The following PCSK2 variants were observed in gnomAD, a reference collection of about 807,000 sequenced individuals.
PCSK2 encodes the protein proprotein convertase subtilisin/kexin type 2.
Under a neutral mutation model 69.7 loss-of-function variants are expected in PCSK2, and 14 were observed. The ratio of observed to expected loss-of-function variants is 0.20; its 90% CI spans 0.13 to 0.31. The LOEUF (loss-of-function observed/expected upper bound fraction) is 0.31. PCSK2 is among the 10% of genes least tolerant of loss of function. The pLI, the probability that PCSK2 is intolerant of heterozygous loss-of-function variation, is 1.00. For missense variants in PCSK2, 544 were observed against 842.5 expected, an observed-to-expected ratio of 0.65 and a Z score of 4.39; for synonymous variants, 307 against 320.7, an observed-to-expected ratio of 0.96 and a Z score of 0.46.
intron 2 of PCSK2, among the ~76,000 whole-genome samples, chr20:17,313,494 G>A (rs894980742): frequency 2.0e-5 from 3 of 152,132 alleles, no homozygotes; most frequent in Non-Finnish European, 4.4e-5. Context: ...GGAGGAAGCA[G>A]TTGACTTAAG....
chr20:17,442,428 G>A (rs1203557261), intron 8 of PCSK2, among the ~76,000 whole-genome samples: 1 of 152,078 alleles, frequency 6.6e-6, no homozygotes, highest in African/African-American at 2.4e-5. Context: ...GCACCTTCCA[G>A]TCTTAGAATG....
chr20:17,335,690 G>A (rs1431260014), intron 2 of PCSK2, among the ~76,000 whole-genome samples: 1 of 150,878 alleles, frequency 6.6e-6, no homozygotes, highest in African/African-American at 2.4e-5. Flanking sequence ...TGTATCATTT[G>A]TATGCCTTTG....
intron 5 of PCSK2, among the ~76,000 whole-genome samples, chr20:17,375,995 C>T (rs1217481715): frequency 6.6e-6 from 1 of 152,198 alleles, no homozygotes; most frequent in African/African-American, 2.4e-5. Flanking sequence ...ACTGACAGTG[C>T]CAGTTTGGAG....
chr20:17,469,445 G>C (rs750580543), intron 11 of PCSK2, among the ~76,000 whole-genome samples: 5 of 152,088 alleles, frequency 3.3e-5, no homozygotes, highest in Non-Finnish European at 4.4e-5. Flanking sequence ...TGTGGTATAT[G>C]CTAGGCCCAT....
intron 7 of PCSK2, among the ~76,000 whole-genome samples, chr20:17,433,499 C>G (rs142488801): frequency 6.6e-6 from 1 of 152,200 alleles, no homozygotes; most frequent in Admixed American, 6.5e-5. Context: ...ACAGGCACAC[C>G]TTGTGCAACA....
At chr20:17,250,893 AG>A (rs1433330153) in intron 1 of PCSK2, among the ~76,000 whole-genome samples, 3 of 152,230 alleles carry the variant, frequency 2.0e-5, no homozygotes, top group African/African-American at 7.2e-5. Context: ...TGGGGTCAGG[AG>A]TTCAAGCTCA....
At chr20:17,416,236 G>A (rs1308574960) in intron 6 of PCSK2, among the ~76,000 whole-genome samples, 1 of 152,180 alleles carries the variant, frequency 6.6e-6, no homozygotes, top group African/African-American at 2.4e-5. Context: ...GAGTGAACAG[G>A]CAGCCTGCAG....
intron 10 of PCSK2, chr20:17,463,924 C>T (rs781771398): frequency 1.3e-5 from 2 of 152,130 alleles, no homozygotes; most frequent in Non-Finnish European, 2.9e-5. Flanking sequence ...AACTTTTTGA[C>T]CAGAATCCTC....
At chr20:17,288,750 G>A (rs1469570823) in intron 2 of PCSK2, among the ~76,000 whole-genome samples, 1 of 152,212 alleles carries the variant, frequency 6.6e-6, no homozygotes, top group Non-Finnish European at 1.5e-5. Context: ...ACAGCAGTGT[G>A]AGAAGAAACC....
chr20:17,338,343 G>A (rs1990417574), intron 2 of PCSK2, among the ~76,000 whole-genome samples: 1 of 151,878 alleles, frequency 6.6e-6, no homozygotes, highest in Non-Finnish European at 1.5e-5. Context: ...ATTACAGGTG[G>A]GCACCACCAA....
intron 5 of PCSK2, among the ~76,000 whole-genome samples, chr20:17,408,527 G>A (rs1032694553): frequency 6.6e-6 from 1 of 152,218 alleles, no homozygotes; most frequent in African/African-American, 2.4e-5. Context: ...ACCATATGCT[G>A]TAGGGCATAA....
intron 10 of PCSK2, among the ~76,000 whole-genome samples, chr20:17,461,029 C>T (rs983603352): frequency 6.6e-6 from 1 of 152,092 alleles, no homozygotes; most frequent in Non-Finnish European, 1.5e-5. Flanking sequence ...TTCCACTGGG[C>T]TCTCGGTGGA....
At chr20:17,365,746 G>A (rs111538589) in intron 4 of PCSK2, among the ~76,000 whole-genome samples, 5,135 of 152,278 alleles carry the variant, frequency 0.034, 178 homozygotes, top group African/African-American at 0.09. Context: ...AAGAAGAAAG[G>A]AGTAACAGGT....
At chr20:17,456,060 C>A (rs139785101) in intron 9 of PCSK2, among the ~76,000 whole-genome samples, 2 of 151,920 alleles carry the variant, frequency 1.3e-5, no homozygotes, top group African/African-American at 4.8e-5. Context: ...GTCAACATGG[C>A]GAAACCCTGT....
At position 17,481,961 on chromosome 20, in the gene PCSK2, T is replaced by A; in HGVS notation, c.1808T>A (p.Val603Glu). The A allele has an allele frequency of 6.2e-7, 1 of 1,613,174 alleles. No individual in the cohort carries two copies. The highest frequency in any genetic ancestry group is 8.5e-7 in the Non-Finnish European group (1 of 1,179,860). The change falls in exon 12 of 12, where the codon GTG becomes GAG. Residue 603 changes from valine (V) to glutamate (E), a missense_variant. Physicochemically the swap from Val to Glu is moderately radical, Grantham distance 121. Coordinates refer to ENST00000262545, the MANE Select transcript of PCSK2 (RefSeq NM_002594.5). Reference protein sequence around the residue: ...GTQSAPYIDQVVRDYQSKLAM... With the variant: ...GTQSAPYIDQEVRDYQSKLAM... The stretch of plus-strand genomic sequence containing the variant: ...CAGAGTGCCCCGTACATCGACCAGG[T>A]GGTGCGGGATTACCAGTCCAAGTTG...
intron 2 of PCSK2, among the ~76,000 whole-genome samples, chr20:17,286,780 G>A (rs1988523456): frequency 6.6e-6 from 1 of 152,168 alleles, no homozygotes; most frequent in South Asian, 2.1e-4. Flanking sequence ...AGCACCCTCT[G>A]CCCTGGTCTC....
intron 10 of PCSK2, 98 bp downstream of exon 10, chr20:17,456,546 T>C (rs2123386798): frequency 1.4e-6 from 1 of 712,056 alleles, no homozygotes; most frequent in Non-Finnish European, 2.5e-6. Context: ...GAAAAGTTGA[T>C]GTGAGAGGCC....
chr20:17,280,301 A>G (rs570908894), intron 2 of PCSK2, among the ~76,000 whole-genome samples: 2 of 152,368 alleles, frequency 1.3e-5, no homozygotes, highest in African/African-American at 4.8e-5. Context: ...ATGTAGATAT[A>G]CTATGGTGGA....
At chr20:17,468,034 C>A (rs2033131039) in intron 11 of PCSK2, among the ~76,000 whole-genome samples, 1 of 152,022 alleles carries the variant, frequency 6.6e-6, no homozygotes, top group Admixed American at 6.6e-5. Context: ...CAGCAGCCTG[C>A]CATAGATGGG....
Sources: gnomAD v4.1 joint callset for allele counts (sites outside exome capture counted in the v4.1 genomes callset) on GRCh38, gnomAD v4.1.1 for gene constraint, MANE v1.5 for transcripts, NCBI Gene and HGNC (gene_info 2026-07-23, HGNC 2026-07-21) for gene names.